The following GRIK4 variants were observed in gnomAD, a reference collection of about 807,000 sequenced individuals.
GRIK4 encodes glutamate receptor ionotropic, kainate 4.
Under a neutral mutation model 104.9 loss-of-function variants are expected in GRIK4, and 40 were observed. The ratio of observed to expected loss-of-function variants is 0.38; its 90% CI spans 0.30 to 0.50. The LOEUF is 0.50. GRIK4 is among the 20% of genes least tolerant of loss of function. GRIK4 has a pLI of 0.93. For synonymous variants in GRIK4, 485 were observed against 524.9 expected, an observed-to-expected ratio of 0.92 and a Z score of 1.04; for missense variants, 1,047 against 1,308.1, an observed-to-expected ratio of 0.80 and a Z score of 3.08.
At chr11:120,834,367 T>C (rs1176235752) in intron 7 of GRIK4, among the ~76,000 whole-genome samples, 2 of 152,042 alleles carry the variant, frequency 1.3e-5, no homozygotes, top group East Asian at 3.9e-4. Context: ...TTCTGCTCGA[T>C]GCCTCAGGGC....
At chr11:120,895,269 C>A (rs1942547154) in intron 11 of GRIK4, among the ~76,000 whole-genome samples, 1 of 152,064 alleles carries the variant, frequency 6.6e-6, no homozygotes, top group South Asian at 2.1e-4. Flanking sequence ...GTCTTACTGG[C>A]TCTGTTGGTA....
At chr11:120,631,654 T>G (rs901706581) in intron 1 of GRIK4, among the ~76,000 whole-genome samples, 3 of 152,058 alleles carry the variant, frequency 2.0e-5, no homozygotes, top group Admixed American at 6.6e-5. Context: ...CCCAGCTGAT[T>G]TCATGAAAGG....
At chr11:120,747,370 C>T (rs1939673) in intron 3 of GRIK4, among the ~76,000 whole-genome samples, 82,000 of 152,050 alleles carry the variant, frequency 0.54, 22,630 homozygotes, top group South Asian at 0.65. Context: ...GCATCCCCAG[C>T]CTGTCTTGAC....
rs117956022 is a variant in GRIK4, at chr11:120,671,942, A to G, written c.82+11542A>G. Among the ~76,000 whole-genome samples, 140 of 152,236 alleles carry G rather than the reference A, an allele frequency of 9.2e-4. 1 individual carries two copies. The East Asian group carries it at 0.025, about 27-fold the overall frequency. ...TCAAAGGTGAGATGGTTGTAGACGT[A>G]TGTTGTATTTCTGAGGTCTCCGTTC... On this transcript the variant is annotated intron_variant, in intron 3 of 20. Coordinates refer to ENST00000527524, the MANE Select transcript of GRIK4 (RefSeq NM_014619.5).
intron 1 of GRIK4, among the ~76,000 whole-genome samples, chr11:120,605,947 T>C (rs1278828395): frequency 1.3e-5 from 2 of 152,332 alleles, no homozygotes; most frequent in South Asian, 2.1e-4. Flanking sequence ...AGGGTGTACC[T>C]GGGGTCTCTA....
intron 1 of GRIK4, among the ~76,000 whole-genome samples, chr11:120,537,836 T>A (rs1947993373): frequency 6.6e-6 from 1 of 151,282 alleles, no homozygotes; most frequent in Admixed American, 6.6e-5. Flanking sequence ...TTGGAACACA[T>A]ACTTGTTTGT....
chr11:120,766,199 C>A (rs566384772), intron 3 of GRIK4, among the ~76,000 whole-genome samples: 1 of 152,202 alleles, frequency 6.6e-6, no homozygotes, highest in African/African-American at 2.4e-5. Flanking sequence ...GGCTTTGCAG[C>A]GCTGTGGTGT....
At chr11:120,968,417 T>A (rs1050804425) in intron 19 of GRIK4, among the ~76,000 whole-genome samples, 4 of 152,194 alleles carry the variant, frequency 2.6e-5, no homozygotes, top group Non-Finnish European at 5.9e-5. Context: ...GATTTACCTG[T>A]CCACGCTCTG....
Position 120,967,187 on chromosome 11 carries a change from C to T in GRIK4, c.2267-8C>T, listed in dbSNP as rs1944398719. 4.3e-6 allele frequency: 7 copies of T among 1,611,412 alleles called. No individual in the cohort carries two copies. Among genetic ancestry groups the T allele is most frequent in the Non-Finnish European group, 5.9e-6 (7 of 1,178,602 alleles). On this transcript the variant is annotated splice_region_variant and splice_polypyrimidine_tract_variant and intron_variant, in intron 18 of 20. Transcript: ENST00000527524. This position sits in a 1 kb window ranked among gnomAD's most constrained non-coding sequence, Gnocchi z 4.2. ...CCTGTGTCCTGGGCTCTCCCGTAAC[C>T]CCCGCAGGCTCGGTTTTCCGGGACG...
chr11:120,962,544 T>C lies in GRIK4; in HGVS notation c.2129T>C (p.Ile710Thr). ...TTCGTGAAGAGCACAGAGGAGGGAA[T>C]CGCCAGGGTGTTGAATTCCAACTAC... ...SVFVKSTEEG[I>T]ARVLNSNYAF... The change falls in exon 18 of 21, where the codon ATC (isoleucine) becomes ACC (threonine). Residue 710 changes from isoleucine (I) to threonine (T), a missense_variant. Ile to Thr is a moderately conservative substitution (Grantham distance 89, BLOSUM62 -1). This residue lies in a region of GRIK4 where 440 missense variants were observed against 652.3 expected (regional missense o/e 0.67). Coordinates refer to ENST00000527524, the MANE Select transcript of GRIK4 (RefSeq NM_014619.5). 2 of 1,613,980 alleles carry C rather than the reference T, an allele frequency of 1.2e-6. No homozygotes were observed. The highest frequency in any genetic ancestry group is 1.7e-6 in the Non-Finnish European group (2 of 1,179,896).
At chr11:120,771,863 T>C (rs551106575) in intron 3 of GRIK4, among the ~76,000 whole-genome samples, 2 of 152,336 alleles carry the variant, frequency 1.3e-5, no homozygotes, top group East Asian at 3.9e-4. Context: ...GGCAGAAAAT[T>C]GCTGCAGGAG....
At chr11:120,658,377 T>C (rs370696135) in intron 2 of GRIK4, among the ~76,000 whole-genome samples, 6 of 152,142 alleles carry the variant, frequency 3.9e-5, no homozygotes, top group African/African-American at 1.2e-4. Context: ...ATCATATACA[T>C]GCATTTCTGC....
At chr11:120,673,025 C>A (rs1950045643) in intron 3 of GRIK4, among the ~76,000 whole-genome samples, 1 of 152,192 alleles carries the variant, frequency 6.6e-6, no homozygotes. Context: ...GGTATGCTCC[C>A]AGCTTTTGCC....
At chr11:120,540,840 G>A (rs1948026446) in intron 1 of GRIK4, among the ~76,000 whole-genome samples, 1 of 152,036 alleles carries the variant, frequency 6.6e-6, no homozygotes, top group Admixed American at 6.5e-5. Flanking sequence ...AGCCAGGCAC[G>A]GTGGCTCATG....
chr11:120,811,771 C>T (rs568540233), intron 4 of GRIK4, among the ~76,000 whole-genome samples: 8 of 152,130 alleles, frequency 5.3e-5, no homozygotes, highest in African/African-American at 1.4e-4. Flanking sequence ...ATTTTAAATG[C>T]CTAAATAATA....
chr11:120,847,328 G>T (rs1280142283), intron 8 of GRIK4, among the ~76,000 whole-genome samples: 1 of 152,154 alleles, frequency 6.6e-6, no homozygotes, highest in East Asian at 1.9e-4. Flanking sequence ...ATAAAATTCT[G>T]ATTTTCCAGG....
intron 3 of GRIK4, among the ~76,000 whole-genome samples, chr11:120,736,978 A>G (rs1951236354): frequency 6.6e-6 from 1 of 152,212 alleles, no homozygotes; most frequent in Non-Finnish European, 1.5e-5. Flanking sequence ...GTCATGTAAA[A>G]GGACTTAGAA....
chr11:120,886,379 T>C (rs1955119894), intron 11 of GRIK4, among the ~76,000 whole-genome samples: 1 of 152,228 alleles, frequency 6.6e-6, no homozygotes, highest in East Asian at 1.9e-4. Flanking sequence ...TATCTCGTGT[T>C]CCTACCTACA....
chr11:120,554,183 G>T (rs557846754), intron 1 of GRIK4, among the ~76,000 whole-genome samples: 2 of 152,292 alleles, frequency 1.3e-5, no homozygotes, highest in South Asian at 4.1e-4. Flanking sequence ...CAAAACTGGA[G>T]TTGGGCCCAA....
Sources: allele counts gnomAD v4.1 joint callset (sites outside exome capture counted in the v4.1 genomes callset), GRCh38; gene constraint gnomAD v4.1.1; regional missense constraint gnomAD v4.1.1; non-coding constraint Gnocchi (gnomAD v3.1); transcripts MANE v1.5; gene names NCBI Gene and HGNC (gene_info 2026-07-23, HGNC 2026-07-21).